TBX22: variants seen among roughly 807,000 people sequenced by gnomAD.
TBX22 encodes the protein T-box transcription factor 22.
In TBX22, 8 loss-of-function variants were observed where a neutral mutation model predicts 30.1. The observed-to-expected ratio is 0.27, with a 90% confidence interval of 0.16 to 0.48. The LOEUF (loss-of-function observed/expected upper bound fraction) is 0.48. Among genes scored for constraint, TBX22 ranks in the 20% least tolerant of loss-of-function variants. The pLI, the probability that TBX22 is intolerant of heterozygous loss-of-function variation, is 0.99. For synonymous variants in TBX22, 173 were observed against 149.1 expected, an observed-to-expected ratio of 1.16 and a Z score of -1.17; for missense variants, 463 against 400.5, an observed-to-expected ratio of 1.16 and a Z score of -1.33.
chrX:80,023,866 A>C (rs2147593470), intron 3 of TBX22, among the ~76,000 whole-genome samples, 197 bp from the exon 4 acceptor site: 1 of 111,819 alleles, frequency 8.9e-6, no homozygotes, highest in East Asian at 2.8e-4. Context: ...TCCACTTAGA[A>C]ATTCCGTACT....
Position 80,030,713 on chromosome X carries a change from C to A in TBX22, c.1165C>A (p.Pro389Thr). Residue 389 changes from proline (P) to threonine (T), a missense_variant, in exon 9 of 9, where the codon CCG becomes ACG. By Grantham distance (38) the Pro-to-Thr change is conservative. Transcript: ENST00000373296. ...TTGGCAACAGCAACCTCTTGTTTTA[C>A]CGGCTCCTGAAAGACTAGCAAGCAG... Reference protein sequence around the residue: ...NFWQQQPLVLPAPERLASSNS... With the variant: ...NFWQQQPLVLTAPERLASSNS... 5.8e-6 allele frequency: 7 copies of A among 1,211,839 alleles called. No homozygotes were observed. The highest frequency in any genetic ancestry group is 7.8e-6 in the Non-Finnish European group (7 of 895,486).
chrX:80,027,486 C>A (rs1924037042), intron 7 of TBX22, among the ~76,000 whole-genome samples, 166 bp downstream of exon 7: 1 of 108,806 alleles, frequency 9.2e-6, no homozygotes, highest in South Asian at 4.2e-4. Flanking sequence ...TCAAGCAATT[C>A]TCCTGCCTCA....
intron 1 of TBX22, among the ~76,000 whole-genome samples, chrX:80,021,798 T>C (rs976447422): frequency 9.8e-5 from 11 of 111,890 alleles, no homozygotes; most frequent in Admixed American, 9.4e-4. Context: ...TAACTCCCAA[T>C]CCGAGCAACC....
Position 80,030,711 on chromosome X carries a change from T to C in TBX22, c.1163T>C (p.Leu388Ser). 8.3e-7 allele frequency: 1 copy of C among 1,211,965 alleles called. No homozygotes were observed. The highest frequency in any genetic ancestry group is 1.1e-6 in the Non-Finnish European group (1 of 895,542). Residue 388 changes from leucine (L) to serine (S), a missense_variant, in exon 9 of 9, where the codon TTA becomes TCA. Leu to Ser is a moderately radical substitution (Grantham distance 145). Transcript: ENST00000373296. ...TNFWQQQPLV[L>S]PAPERLASSN... ...TTTTGGCAACAGCAACCTCTTGTTT[T>C]ACCGGCTCCTGAAAGACTAGCAAGC...
At chrX:80,024,198 A>G in intron 4 of TBX22, 34 bp downstream of exon 4, 1 of 1,152,609 alleles carries the variant, frequency 8.7e-7, no homozygotes, top group Middle Eastern at 2.5e-4. Context: ...CTCTATGCCC[A>G]GGCTAGGGCC....
chrX:80,018,568 G>T (rs1169508994), intron 1 of TBX22, among the ~76,000 whole-genome samples: 2 of 112,005 alleles, frequency 1.8e-5, no homozygotes, highest in Non-Finnish European at 3.8e-5. Context: ...TCGCCTCAAA[G>T]AATTCACAGC....
At chrX:80,022,196 G>C (rs1205095824) in intron 1 of TBX22, 72 bp from the exon 2 acceptor site, 3 of 1,056,797 alleles carry the variant, frequency 2.8e-6, no homozygotes, top group East Asian at 3.1e-5. Flanking sequence ...CCCTCCGCCT[G>C]TGTCTCCCCC....
At chrX:80,017,820 T>C (rs754578694) in intron 1 of TBX22, among the ~76,000 whole-genome samples, 1 of 111,635 alleles carries the variant, frequency 9.0e-6, no homozygotes, top group Non-Finnish European at 1.9e-5. Flanking sequence ...TATACTTCAG[T>C]TAGAATGAGA....
At chrX:80,017,280 TTGTGTGTGTGTGTG>T (rs3048747) in intron 1 of TBX22, among the ~76,000 whole-genome samples, 5 of 93,957 alleles carry the variant, frequency 5.3e-5, no homozygotes, top group East Asian at 3.7e-4. Context: ...GGTGTTGTTT[TTGTGTGTGTGTGTG>T]TGTGTGTGTG....
rs901117376 is a variant in TBX22 at position 80,022,202 on chromosome X, C to G, written c.-2-66C>G. The G allele has an allele frequency of 1.0e-5, 11 of 1,087,633 alleles. No individual in the cohort carries two copies. In the African/African-American group the frequency reaches 1.7e-4, roughly 16 times the overall value. 89.6% of individuals were successfully genotyped at this position (1,087,633 alleles called of 1,213,427 possible). On this transcript the variant is annotated intron_variant, in intron 1 of 8. Coordinates refer to ENST00000373296, the MANE Select transcript of TBX22 (RefSeq NM_001109878.2). ...CCCTCTGTGCCCTCCGCCTGTGTCT[C>G]CCCCTCCCTCCCTAACCCAGTTCAG...
chrX:80,023,368 A>G, intron 3 of TBX22, 128 bp downstream of exon 3: 1 of 680,832 alleles, frequency 1.5e-6, no homozygotes, highest in Non-Finnish European at 2.3e-6. Flanking sequence ...CAACTCCCTG[A>G]CATACAGTAG....
intron 4 of TBX22, among the ~76,000 whole-genome samples, chrX:80,024,540 C>CTG (rs1923879872): frequency 9.0e-6 from 1 of 110,780 alleles, no homozygotes; most frequent in African/African-American, 3.3e-5. Context: ...GGAGAAATCC[C>CTG]CAGGCTCTAT....
rs5959007 is a variant in TBX22, at chrX:80,024,243, C to T, written c.458+79C>T. On this transcript the variant is annotated intron_variant, in intron 4 of 8. Transcript: ENST00000373296. ...GACCTTCAGACCTGAAACCTGACAG[C>T]ATGACTTTGAAAACTCTAGCATGGG... 1.2e-3 allele frequency: 1,127 copies of T among 926,916 alleles called. 7 individuals carry two copies. In the African/African-American group the frequency reaches 0.019, roughly 16 times the overall value. The allele number at this position is 926,916 out of a possible 1,213,427, so 76.4% of individuals were successfully genotyped here. A position where few individuals can be genotyped will look rare whatever the true frequency, so the allele number is the denominator to read the frequency against.
At chrX:80,016,592 T>C (rs1923447564) in intron 1 of TBX22, among the ~76,000 whole-genome samples, 1 of 112,487 alleles carries the variant, frequency 8.9e-6, no homozygotes, top group Non-Finnish European at 1.9e-5. Context: ...GTCTGAATTA[T>C]TTATTTTAAA....
intron 4 of TBX22, among the ~76,000 whole-genome samples, chrX:80,025,387 C>G (rs1923919865): frequency 8.9e-6 from 1 of 112,335 alleles, no homozygotes; most frequent in African/African-American, 3.2e-5. Context: ...AATCTCATGA[C>G]ATTTTACTTT....
chrX:80,017,354 G>A (rs1157705246), intron 1 of TBX22, among the ~76,000 whole-genome samples: 1 of 107,865 alleles, frequency 9.3e-6, no homozygotes, highest in Non-Finnish European at 1.9e-5. Flanking sequence ...TGTAGAGACA[G>A]GATCTTGCTA....
intron 4 of TBX22, among the ~76,000 whole-genome samples, chrX:80,024,531 G>A (rs767155288): frequency 1.8e-5 from 2 of 110,979 alleles, no homozygotes; most frequent in African/African-American, 6.5e-5. Context: ...GGAATTGTGG[G>A]AGAAATCCCC....
intron 1 of TBX22, among the ~76,000 whole-genome samples, chrX:80,021,472 A>G (rs754071303): frequency 9.0e-6 from 1 of 111,221 alleles, no homozygotes; most frequent in African/African-American, 3.3e-5. Flanking sequence ...AAAAGCTTGT[A>G]CTCCTTTCTG....
chrX:80,027,914 A>T, intron 7 of TBX22, 77 bp from the exon 8 acceptor site: 1 of 743,697 alleles, frequency 1.3e-6, no homozygotes, highest in Non-Finnish European at 2.1e-6. Context: ...CATCTGAAAG[A>T]TATAGCAAAA....
Sources: allele counts gnomAD v4.1 joint callset (sites outside exome capture counted in the v4.1 genomes callset), GRCh38; gene constraint gnomAD v4.1.1; transcripts MANE v1.5; gene names NCBI Gene and HGNC (gene_info 2026-07-23, HGNC 2026-07-21).